Variants in PDGFC observed in about 807,000 individuals in gnomAD.
PDGFC encodes the protein platelet derived growth factor C, also known as platelet-derived growth factor C.
Under a neutral mutation model 35.5 loss-of-function variants are expected in PDGFC, and 12 were observed. The ratio of observed to expected loss-of-function variants is 0.34; its 90% confidence interval spans 0.22 to 0.55. PDGFC has a LOEUF of 0.55. Ranked by LOEUF, PDGFC falls within the 20% of genes least tolerant of loss-of-function variation. PDGFC has a pLI of 0.91. For missense variants in PDGFC, 322 were observed against 412.4 expected (o/e 0.78, Z 1.90); for synonymous variants, 159 against 148.8 (o/e 1.07, Z -0.50).
chr4:156,763,260 G>A lies in PDGFC; in HGVS notation c.922-54C>T, dbSNP rs1300910714. 4.6e-6 allele frequency: 4 copies of A among 868,310 alleles called. No homozygotes were observed. In the East Asian group the frequency reaches 7.3e-5, roughly 16 times the overall value. The allele number at this position is 868,310 out of a possible 1,614,324, so 53.8% of individuals were successfully genotyped here. On this transcript the variant is annotated intron_variant, in intron 5 of 5. Coordinates refer to ENST00000502773, the MANE Select transcript of PDGFC (RefSeq NM_016205.3). ...TAAAAATCAACGAATGTCTATGACT[G>A]GCTTTTATAAACAAGTAACGTTTTA...
At position 156,763,152 on chromosome 4, in the gene PDGFC, C is replaced by A; in HGVS notation, c.976G>T (p.Asp326Tyr). The A allele has an allele frequency of 6.2e-7, 1 of 1,613,328 alleles. No homozygotes were observed. The highest frequency in any genetic ancestry group is 2.2e-5 in the East Asian group (1 of 44,850). Residue 326 changes from aspartate to tyrosine, a missense_variant, in exon 6 of 6, where the codon GAC (aspartate) becomes TAC (tyrosine). Around this residue, in one of 2 missense-constraint regions of PDGFC, gnomAD observed 202 missense variants for 295.9 expected, o/e 0.68. Coordinates refer to ENST00000502773, the MANE Select transcript of PDGFC (RefSeq NM_016205.3). Reference protein sequence around the residue: ...GVRGLHKSLTDVALEHHEECD... With the variant: ...GVRGLHKSLTYVALEHHEECD... ...TCCTCATGGTGCTCCAGGGCCACGT[C>A]GGTGAGTGATTTGTGCAATCCCCTG... is the stretch of plus-strand genomic sequence containing the variant.
chr4:156,971,269 T>A lies in PDGFC; in HGVS notation c.-366A>T. The A allele has an allele frequency of 2.3e-6, 1 of 430,292 alleles. No homozygotes were observed. The highest frequency in any genetic ancestry group is 4.1e-6 in the Non-Finnish European group (1 of 243,550). 26.7% of individuals were successfully genotyped at this position (430,292 alleles called of 1,614,324 possible). On this transcript the variant is annotated 5_prime_UTR_variant, in exon 1 of 6. Transcript: ENST00000502773. ...TCCCCAGCAAGTTGCTGGGAGCACC[T>A]GTCAGTTCGGGGGACAGGACAGAGG...
chr4:156,884,302 G>C (rs1730323549), intron 1 of PDGFC, among the ~76,000 whole-genome samples: 1 of 152,166 alleles, frequency 6.6e-6, no homozygotes, highest in Non-Finnish European at 1.5e-5. Flanking sequence ...ACAAGAAACA[G>C]ACCCCATATC....
intron 1 of PDGFC, among the ~76,000 whole-genome samples, chr4:156,893,414 C>G (rs1730560065): frequency 6.6e-6 from 1 of 151,862 alleles, no homozygotes; most frequent in Non-Finnish European, 1.5e-5. Flanking sequence ...ACTGCAGCCT[C>G]TAACTCCTGG....
At chr4:156,850,005 A>G (rs1378320639) in intron 2 of PDGFC, among the ~76,000 whole-genome samples, 2 of 152,108 alleles carry the variant, frequency 1.3e-5, no homozygotes, top group Non-Finnish European at 2.9e-5. Context: ...TAATTTTAGA[A>G]GTAGGTAGAA....
intron 1 of PDGFC, among the ~76,000 whole-genome samples, chr4:156,909,067 A>G (rs959043802): frequency 2.0e-5 from 3 of 152,310 alleles, no homozygotes; most frequent in Non-Finnish European, 2.9e-5. Context: ...CTTAGAGAAT[A>G]AGGCATATGG....
At chr4:156,808,029 G>C (rs1319220916) in intron 3 of PDGFC, among the ~76,000 whole-genome samples, 2 of 152,032 alleles carry the variant, frequency 1.3e-5, no homozygotes, top group African/African-American at 4.8e-5. Context: ...TTTAGCTAAT[G>C]CAAGAATGTG....
chr4:156,833,080 A>G (rs570698454), intron 2 of PDGFC, among the ~76,000 whole-genome samples: 3 of 152,360 alleles, frequency 2.0e-5, no homozygotes, highest in Non-Finnish European at 4.4e-5. Flanking sequence ...GAAGGCAAAT[A>G]TCAACTTTTG....
At chr4:156,781,847 T>G (rs1016518401) in intron 3 of PDGFC, among the ~76,000 whole-genome samples, 3 of 152,272 alleles carry the variant, frequency 2.0e-5, no homozygotes, top group Admixed American at 6.5e-5. Context: ...TTTTAAAAAT[T>G]TAATAAACAA....
chr4:156,931,348 T>G (rs1045892649), intron 1 of PDGFC, among the ~76,000 whole-genome samples: 1 of 152,162 alleles, frequency 6.6e-6, no homozygotes. Flanking sequence ...CAAAGAGTAT[T>G]ATATTTCTAC....
At chr4:156,933,640 T>C (rs532911151) in intron 1 of PDGFC, among the ~76,000 whole-genome samples, 1 of 152,168 alleles carries the variant, frequency 6.6e-6, no homozygotes, top group Non-Finnish European at 1.5e-5. Context: ...CTTGATATGG[T>C]TTGGCTCTGT....
intron 3 of PDGFC, among the ~76,000 whole-genome samples, chr4:156,787,304 GA>G (rs1443771073): frequency 6.6e-6 from 1 of 152,120 alleles, no homozygotes; most frequent in African/African-American, 2.4e-5. Flanking sequence ...AGTGTTCAGT[GA>G]AAAGAAGTGA....
At chr4:156,910,008 T>C (rs989580520) in intron 1 of PDGFC, among the ~76,000 whole-genome samples, 5 of 152,092 alleles carry the variant, frequency 3.3e-5, no homozygotes, top group African/African-American at 4.8e-5. Flanking sequence ...TGTCAAATAC[T>C]ATCACAACCT....
intron 1 of PDGFC, among the ~76,000 whole-genome samples, chr4:156,851,846 G>A (rs1333168979): frequency 6.7e-6 from 1 of 148,792 alleles, no homozygotes; most frequent in Non-Finnish European, 1.5e-5. Context: ...CAGGAGAATG[G>A]TGTGAACCCA....
chr4:156,948,244 A>T (rs1203675969), intron 1 of PDGFC, among the ~76,000 whole-genome samples: 1 of 151,768 alleles, frequency 6.6e-6, no homozygotes, highest in East Asian at 1.9e-4. Flanking sequence ...AAAAGACGAA[A>T]ACCCCATATG....
chr4:156,889,260 TA>T (rs1369650221), intron 1 of PDGFC, among the ~76,000 whole-genome samples: 1 of 152,212 alleles, frequency 6.6e-6, no homozygotes, highest in East Asian at 1.9e-4. Context: ...AAATCTCACA[TA>T]CAGGTCTGAT....
chr4:156,948,953 A>C (rs1257154965), intron 1 of PDGFC, among the ~76,000 whole-genome samples: 4 of 151,904 alleles, frequency 2.6e-5, no homozygotes, highest in Non-Finnish European at 5.9e-5. Context: ...TTATTGCTCT[A>C]CTGGCTAGCC....
intron 1 of PDGFC, among the ~76,000 whole-genome samples, chr4:156,941,686 G>A (rs567211891): frequency 3.9e-5 from 6 of 152,116 alleles, no homozygotes; most frequent in African/African-American, 1.4e-4. Flanking sequence ...CTTTTGGGCC[G>A]GTTAACGATT....
intron 1 of PDGFC, among the ~76,000 whole-genome samples, chr4:156,955,543 A>C (rs187487005): frequency 6.6e-6 from 1 of 152,144 alleles, no homozygotes; most frequent in Admixed American, 6.5e-5. Context: ...CAAAGCTGGG[A>C]AAAACCCTAT....
Sources: allele counts gnomAD v4.1 joint callset (sites outside exome capture counted in the v4.1 genomes callset), GRCh38; gene constraint gnomAD v4.1.1; regional missense constraint gnomAD v4.1.1; transcripts MANE v1.5; gene names NCBI Gene and HGNC (gene_info 2026-07-23, HGNC 2026-07-21).